TMEM255A: variants seen among roughly 807,000 people sequenced by gnomAD.
The protein encoded by TMEM255A is family with sequence similarity 70, member A.
In TMEM255A, 14 loss-of-function variants were observed where a neutral mutation model predicts 23.5. That is an observed-to-expected ratio of 0.60 (90% CI 0.39 to 0.93). The LOEUF is 0.93. TMEM255A is among the 40% of genes least tolerant of loss of function. TMEM255A has a pLI of 0.00. For missense variants in TMEM255A, 233 were observed against 261.7 expected, an observed-to-expected ratio of 0.89 and a Z score of 0.76; for synonymous variants, 104 against 100.3, an observed-to-expected ratio of 1.04 and a Z score of -0.22.
Position 120,285,781 on chromosome X carries a change from A to G in TMEM255A, c.424-566T>C, listed in dbSNP as rs957757669. On this transcript the variant is annotated intron_variant, in intron 5 of 8. Transcript: ENST00000371369. Reference sequence around the variant, plus strand: ...TTATTAATATTTTTACAGTCACCAAATTAACGCAAGAAAGCTATCACAACA... The same window carrying G: ...TTATTAATATTTTTACAGTCACCAAGTTAACGCAAGAAAGCTATCACAACA... 9 of 1,195,677 alleles carry G rather than the reference A, an allele frequency of 7.5e-6. No homozygotes were observed. In the East Asian group the frequency reaches 2.4e-4, roughly 32 times the overall value.
chrX:120,310,736 C>A (rs1414759886), intron 1 of TMEM255A, among the ~76,000 whole-genome samples: 1 of 72,624 alleles, frequency 1.4e-5, no homozygotes, highest in African/African-American at 5.0e-5. Flanking sequence ...CCCGCCCCCC[C>A]CCCCCAATCA....
chrX:120,309,235 T>C (rs2058083305), intron 1 of TMEM255A, among the ~76,000 whole-genome samples: 3 of 113,027 alleles, frequency 2.7e-5, no homozygotes. Flanking sequence ...AAAAGTGGAA[T>C]GCGTGGCGCC....
chrX:120,299,317 A>C (rs1556025503), intron 2 of TMEM255A, among the ~76,000 whole-genome samples: 1 of 110,186 alleles, frequency 9.1e-6, no homozygotes, highest in Admixed American at 9.6e-5. Context: ...CTAATTCTTA[A>C]TTTTTTTATA....
At chrX:120,276,219 AAAG>A (rs782401449) in intron 7 of TMEM255A, among the ~76,000 whole-genome samples, 3 of 112,078 alleles carry the variant, frequency 2.7e-5, no homozygotes, top group Non-Finnish European at 5.6e-5. Flanking sequence ...GAAAGGAAAA[AAAG>A]AAGCCTACTA....
chrX:120,254,497 C>G (rs781783558), downstream of TMEM255A: 1 of 1,211,718 alleles, frequency 8.3e-7, no homozygotes, highest in East Asian at 3.0e-5. Context: ...CAGGCTGATA[C>G]CTCCCAAAAT....
intron 8 of TMEM255A, among the ~76,000 whole-genome samples, chrX:120,263,218 G>A (rs1016424951): frequency 6.2e-5 from 7 of 112,084 alleles, no homozygotes; most frequent in Non-Finnish European, 1.3e-4. Flanking sequence ...GTCGCAGCCA[G>A]GGAGTTGGCC....
intron 1 of TMEM255A, among the ~76,000 whole-genome samples, chrX:120,306,894 T>G (rs1311991416): frequency 8.0e-5 from 9 of 111,981 alleles, no homozygotes; most frequent in Admixed American, 2.8e-4. Context: ...GAACCTGAAT[T>G]GAAAATTCAG....
chrX:120,282,653 C>G (rs150148613), intron 6 of TMEM255A, among the ~76,000 whole-genome samples: 37 of 111,656 alleles, frequency 3.3e-4, no homozygotes, highest in African/African-American at 1.2e-3. Flanking sequence ...CACAGCTCCT[C>G]ATAAAATTCC....
rs898836524 is a variant in TMEM255A, at chrX:120,259,324, G to A, written c.*1546C>T. On this transcript the variant is annotated 3_prime_UTR_variant, in exon 9 of 9. Coordinates refer to ENST00000371369, the MANE Select transcript of TMEM255A (RefSeq NM_001104544.3). ...TTTTTCGGATTCAAAATCTGGATAA[G>A]AACATTCATGATGCTGAAAGTTAAA... 2.7e-5 allele frequency: 3 copies of A among 112,755 alleles called. No homozygotes were observed. Among genetic ancestry groups the A allele is most frequent in the Non-Finnish European group, 5.6e-5 (3 of 53,260 alleles). The allele number at this position is 112,755 out of a possible 1,213,427, so 9.3% of individuals were successfully genotyped here. A position where few individuals can be genotyped will look rare whatever the true frequency, so the allele number is the denominator to read the frequency against.
chrX:120,285,957 T>A (rs972819251), intron 5 of TMEM255A: 6 of 1,132,312 alleles, frequency 5.3e-6, no homozygotes, highest in Non-Finnish European at 7.1e-6. Context: ...GCTAAATTTG[T>A]CTTGCTTTGT....
chrX:120,290,728 T>A (rs1240980782), intron 4 of TMEM255A, among the ~76,000 whole-genome samples: 1 of 112,036 alleles, frequency 8.9e-6, no homozygotes, highest in Non-Finnish European at 1.9e-5. Flanking sequence ...TACATTTATA[T>A]TCCTGGTCCT....
chrX:120,299,124 A>T (rs1392862313), intron 2 of TMEM255A, among the ~76,000 whole-genome samples: 1 of 111,508 alleles, frequency 9.0e-6, no homozygotes, highest in Non-Finnish European at 1.9e-5. Flanking sequence ...TAAAAGTCTT[A>T]TCCAGCAAAT....
chrX:120,269,309 C>T (rs1330002844), intron 7 of TMEM255A, among the ~76,000 whole-genome samples: 1 of 111,877 alleles, frequency 8.9e-6, no homozygotes, highest in Non-Finnish European at 1.9e-5. Context: ...CCAAGTAGGA[C>T]TGTGCTTTGT....
At chrX:120,287,340 A>G in intron 4 of TMEM255A, 118 bp from the exon 5 acceptor site, 1 of 280,369 alleles carries the variant, frequency 3.6e-6, no homozygotes, top group Non-Finnish European at 5.4e-6. Context: ...CACACACAGA[A>G]GCAGGCAGGC....
At chrX:120,281,321 A>G (rs2057835867) in intron 6 of TMEM255A, among the ~76,000 whole-genome samples, 1 of 111,770 alleles carries the variant, frequency 8.9e-6, no homozygotes, top group African/African-American at 3.3e-5. Context: ...CCTTGCTCTC[A>G]ACGTTCTGGG....
chrX:120,251,581 G>A, the TMEM255A span, among the ~76,000 whole-genome samples: 1 of 111,985 alleles, frequency 8.9e-6, no homozygotes, highest in Non-Finnish European at 1.9e-5. Flanking sequence ...GAAGAGGGAG[G>A]TGGAGGAAGG....
intron 1 of TMEM255A, among the ~76,000 whole-genome samples, chrX:120,309,685 T>G (rs1463139226): frequency 1.8e-5 from 2 of 111,785 alleles, no homozygotes; most frequent in Non-Finnish European, 3.8e-5. Context: ...TGTCTCTCTC[T>G]CTCTCGCTCT....
the TMEM255A span, among the ~76,000 whole-genome samples, chrX:120,252,058 T>C: frequency 1.8e-5 from 2 of 112,523 alleles, no homozygotes; most frequent in Non-Finnish European, 1.9e-5. Context: ...CTGGAATTCC[T>C]TGGTACTGTT....
chrX:120,274,456 G>A (rs1437380095), intron 7 of TMEM255A, among the ~76,000 whole-genome samples: 2 of 111,574 alleles, frequency 1.8e-5, no homozygotes, highest in African/African-American at 3.3e-5. Flanking sequence ...GAGGGAAAAC[G>A]GGACTAAAGC....
Sources: allele counts gnomAD v4.1 joint callset (sites outside exome capture counted in the v4.1 genomes callset), GRCh38; gene constraint gnomAD v4.1.1; transcripts MANE v1.5; gene names NCBI Gene and HGNC (gene_info 2026-07-23, HGNC 2026-07-21).